Variants in THAP4 observed in about 807,000 individuals in gnomAD.
The protein encoded by THAP4 is THAP domain containing 4, also known as peroxynitrite isomerase THAP4.
Under a neutral mutation model 48.1 loss-of-function variants are expected in THAP4, and 18 were observed. The observed-to-expected ratio is 0.37, with a 90% confidence interval of 0.26 to 0.56. The LOEUF is 0.56. Among genes scored for constraint, THAP4 ranks in the 20% least tolerant of loss-of-function variants. The probability of loss-of-function intolerance (pLI) is 0.78; values close to 1 mark genes in which losing one functional copy is unlikely to be tolerated. For synonymous variants in THAP4, 345 were observed against 324.9 expected (o/e 1.06, Z -0.66); for missense variants, 656 against 774.9 (o/e 0.85, Z 1.82).
chr2:241,587,388 G>T (rs1456029158), intron 5 of THAP4, among the ~76,000 whole-genome samples: 1 of 152,156 alleles, frequency 6.6e-6, no homozygotes, highest in African/African-American at 2.4e-5. Flanking sequence ...TCTCCTCAGG[G>T]CTCTGAGACC....
chr2:241,607,537 A>G (rs1029800201), intron 2 of THAP4, among the ~76,000 whole-genome samples: 1 of 151,472 alleles, frequency 6.6e-6, no homozygotes, highest in Non-Finnish European at 1.5e-5. Context: ...TCAGTGCTTC[A>G]ATTGACAGAA....
chr2:241,608,461 G>T (rs1018699263), intron 2 of THAP4, among the ~76,000 whole-genome samples: 1 of 152,204 alleles, frequency 6.6e-6, no homozygotes, highest in African/African-American at 2.4e-5. Context: ...GTGGGAAGGT[G>T]AGGATGGGAA....
intron 5 of THAP4, among the ~76,000 whole-genome samples, chr2:241,601,000 C>T (rs1169419226): frequency 1.3e-5 from 2 of 151,750 alleles, no homozygotes; most frequent in African/African-American, 2.4e-5. Context: ...ACAATCTGGC[C>T]GGGCACGGTT....
At chr2:241,637,473 A>G, upstream of THAP4, 2 of 1,455,964 alleles carry the variant, frequency 1.4e-6, no homozygotes, top group Middle Eastern at 1.8e-4. Context: ...GTCCCGTCGG[A>G]CAGCAGAACC....
Position 241,624,356 on chromosome 2 carries a change from G to A in THAP4, c.1240+8561C>T, listed in dbSNP as rs34659532. ...CAAAAAATTAGCTGGGTGTGGTGGC[G>A]CGTGCCTGTACTCCCAGCTACTCAG... On this transcript the variant is annotated intron_variant, in intron 2 of 5. Coordinates refer to ENST00000407315, the MANE Select transcript of THAP4 (RefSeq NM_015963.6). Among the ~76,000 whole-genome samples the A allele has an allele frequency of 3.2e-3, 490 of 152,010 alleles. 1 individual carries two copies. Among genetic ancestry groups the A allele is most frequent in the African/African-American group, 0.011 (458 of 41,464 alleles).
Position 241,636,945 on chromosome 2 carries a change from G to A in THAP4, c.73C>T (p.His25Tyr). Residue 25 changes from histidine to tyrosine, a missense_variant, in exon 1 of 6, where the codon CAC (histidine) becomes TAC (tyrosine). By Grantham distance (83) the His-to-Tyr change is moderately conservative. Coordinates refer to ENST00000407315, the MANE Select transcript of THAP4 (RefSeq NM_015963.6). Reference protein sequence around the residue: ...GKGEKRAVSFHRFPLKDSKRL... With the variant: ...GKGEKRAVSFYRFPLKDSKRL... Reference sequence around the variant, plus strand: ...GGCGGCCCGGGGCCCGCGTACCTGTGGAAGGAGACGGCGCGCTTCTCGCCC... The same window carrying A: ...GGCGGCCCGGGGCCCGCGTACCTGTAGAAGGAGACGGCGCGCTTCTCGCCC... The A allele has an allele frequency of 7.7e-7, 1 of 1,291,872 alleles. No individual in the cohort carries two copies. The highest frequency in any genetic ancestry group is 2.3e-5 in the Admixed American group (1 of 43,038). The allele number at this position is 1,291,872 out of a possible 1,614,324, so 80.0% of individuals were successfully genotyped here.
chr2:241,635,057 G>A (rs1453079633), intron 1 of THAP4, among the ~76,000 whole-genome samples: 1 of 152,232 alleles, frequency 6.6e-6, no homozygotes, highest in African/African-American at 2.4e-5. Context: ...AATAATTCTG[G>A]AGGTGGATGG....
rs547051823 is a variant in THAP4, at chr2:241,602,977, C to T, written c.1503G>A (p.Gln501=). 10 of 1,613,594 alleles carry T rather than the reference C, an allele frequency of 6.2e-6. No homozygotes were observed. Among genetic ancestry groups the T allele is most frequent in the African/African-American group, 1.3e-5 (1 of 74,936 alleles). ...DTNKVAFVSA[Q]NTGVVEVEEG... ...CCGCAAGCTGGGCCTCACCTGTGTT[C>T]TGGGCGCTGACAAAGGCCACCTTGT... is the stretch of plus-strand genomic sequence containing the variant. Residue 501 remains glutamine (Q), a synonymous_variant, in exon 4 of 6, where the codon CAG becomes CAA. Transcript: ENST00000407315.
chr2:241,603,508 C>T (rs917537490), intron 3 of THAP4, among the ~76,000 whole-genome samples: 7 of 151,102 alleles, frequency 4.6e-5, no homozygotes, highest in Non-Finnish European at 1.0e-4. Flanking sequence ...ACCTGCCCGC[C>T]CCCTCCACCA....
chr2:241,594,674 C>G (rs915583531), intron 5 of THAP4: 1 of 226,366 alleles, frequency 4.4e-6, no homozygotes, highest in Non-Finnish European at 9.1e-6. Context: ...GGGAGGATCG[C>G]TCAAGCCTGG....
At chr2:241,585,077 C>A (rs1180107498) in intron 5 of THAP4, 1 of 245,232 alleles carries the variant, frequency 4.1e-6, no homozygotes, top group Non-Finnish European at 8.1e-6. Flanking sequence ...TTTTTGGTCT[C>A]TACAAATCAT....
intron 2 of THAP4, among the ~76,000 whole-genome samples, chr2:241,621,172 AC>A (rs1342602885): frequency 6.6e-6 from 1 of 152,152 alleles, no homozygotes; most frequent in South Asian, 2.1e-4. Flanking sequence ...ACATGGTGAA[AC>A]CCCATCTCTA....
At chr2:241,636,847 G>GCCCCCGC in intron 1 of THAP4, 94 bp downstream of exon 1, 6 of 721,778 alleles carry the variant, frequency 8.3e-6, no homozygotes, top group Non-Finnish European at 1.0e-5. Context: ...GAGGCCCGGC[G>GCCCCCGC]CCCCCGCCCC....
chr2:241,633,399 C>T lies in THAP4; in HGVS notation c.758G>A (p.Arg253Gln), dbSNP rs777843641. The T allele has an allele frequency of 7.4e-6, 12 of 1,613,088 alleles. No homozygotes were observed. Among genetic ancestry groups the T allele is most frequent in the African/African-American group, 2.7e-5 (2 of 74,800 alleles). Residue 253 changes from arginine (R) to glutamine (Q), a missense_variant, in exon 2 of 6, where the codon CGA becomes CAA. Arg to Gln is a conservative substitution (Grantham distance 43). Transcript: ENST00000407315. The surrounding 1 kb of genome is among the most constrained non-coding windows in gnomAD (Gnocchi z 7.5). The part of the protein sequence containing the change: ...KHTRERPSVP[R>Q]EPIDRKRLKK... The stretch of plus-strand genomic sequence containing the variant: ...CAGCCTCTTGCGGTCAATGGGCTCT[C>T]GGGGGACAGATGGCCTTTCTCGGGT...
chr2:241,595,400 G>A (rs967306990), intron 5 of THAP4, among the ~76,000 whole-genome samples: 2 of 152,164 alleles, frequency 1.3e-5, no homozygotes, highest in African/African-American at 4.8e-5. Context: ...CACATTGGGA[G>A]GCTGAGCTGG....
intron 2 of THAP4, among the ~76,000 whole-genome samples, chr2:241,619,715 GGTGA>G (rs1260813291): frequency 2.7e-4 from 39 of 146,708 alleles, no homozygotes; most frequent in Non-Finnish European, 5.8e-4. Context: ...GTGAGTGAAG[GGTGA>G]GTGAGTCGGT....
chr2:241,618,758 C>T (rs1460022663), intron 2 of THAP4, among the ~76,000 whole-genome samples: 2 of 152,034 alleles, frequency 1.3e-5, no homozygotes, highest in African/African-American at 4.8e-5. Flanking sequence ...TGAGAATCTC[C>T]TGGGGTCCTA....
At chr2:241,620,675 A>G (rs1004235657) in intron 2 of THAP4, among the ~76,000 whole-genome samples, 1 of 151,672 alleles carries the variant, frequency 6.6e-6, no homozygotes, top group Non-Finnish European at 1.5e-5. Flanking sequence ...TGAGGCAGTG[A>G]CTGCGGCGGT....
chr2:241,634,803 C>A (rs1437089718), intron 1 of THAP4, among the ~76,000 whole-genome samples: 1 of 152,214 alleles, frequency 6.6e-6, no homozygotes, highest in East Asian at 1.9e-4. Flanking sequence ...TCCTGGGGAA[C>A]AGAGTGAAAC....
Sources: gnomAD v4.1 joint callset for allele counts (sites outside exome capture counted in the v4.1 genomes callset) on GRCh38, gnomAD v4.1.1 for gene constraint, Gnocchi (gnomAD v3.1) non-coding constraint, MANE v1.5 for transcripts, NCBI Gene and HGNC (gene_info 2026-07-23, HGNC 2026-07-21) for gene names.